TTLL5: variants seen among roughly 807,000 people sequenced by gnomAD.
The protein encoded by TTLL5 is tubulin polyglutamylase TTLL5.
A neutral mutation model predicts 168.4 loss-of-function variants in TTLL5; 132 were observed. The ratio of observed to expected loss-of-function variants is 0.78; its 90% CI spans 0.68 to 0.91. The LOEUF (loss-of-function observed/expected upper bound fraction) is 0.91. TTLL5 is among the 40% of genes least tolerant of loss of function. TTLL5 has a pLI of 0.00. For missense variants in TTLL5, 1,545 were observed against 1,581.5 expected, an observed-to-expected ratio of 0.98 and a Z score of 0.39; for synonymous variants, 546 against 558.6, an observed-to-expected ratio of 0.98 and a Z score of 0.32.
chr14:75,820,186 C>T, intron 28 of TTLL5, 25 bp downstream of exon 28: 1 of 1,547,548 alleles, frequency 6.5e-7, no homozygotes, highest in Non-Finnish European at 8.7e-7. Context: ...CTGCAACTAG[C>T]ATTTGGGTTA....
intron 28 of TTLL5, among the ~76,000 whole-genome samples, chr14:75,849,221 A>ATC (rs781169245): frequency 2.6e-5 from 4 of 152,190 alleles, no homozygotes; most frequent in Non-Finnish European, 5.9e-5. Flanking sequence ...CCTTTTCTGT[A>ATC]TCTCTGCTTA....
intron 29 of TTLL5, among the ~76,000 whole-genome samples, chr14:75,872,018 A>C (rs536812314): frequency 6.6e-6 from 1 of 152,374 alleles, no homozygotes; most frequent in African/African-American, 2.4e-5. Flanking sequence ...CCTGATATAC[A>C]AATAATTTCT....
At chr14:75,926,156 CTTTTTT>C (rs34048806) in intron 31 of TTLL5, among the ~76,000 whole-genome samples, 39 of 29,952 alleles carry the variant, frequency 1.3e-3, no homozygotes, top group Non-Finnish European at 1.8e-3. Context: ...GCAACCCCAG[CTTTTTT>C]TTTTTTTTTT....
intron 28 of TTLL5, among the ~76,000 whole-genome samples, chr14:75,822,513 G>A (rs1279157840): frequency 6.6e-6 from 1 of 152,152 alleles, no homozygotes; most frequent in African/African-American, 2.4e-5. Flanking sequence ...ACTAGGGGCT[G>A]CCTTGTAAAC....
At chr14:75,843,178 C>T (rs142311877) in intron 28 of TTLL5, among the ~76,000 whole-genome samples, 7 of 152,122 alleles carry the variant, frequency 4.6e-5, no homozygotes, top group Non-Finnish European at 8.8e-5. Context: ...GTAATAATCG[C>T]GTTTACTTGA....
At position 75,881,687 on chromosome 14, in the gene TTLL5, C is replaced by T. The variant is rs561067282; in HGVS notation, c.3523-998C>T. Among the ~76,000 whole-genome samples the T allele has an allele frequency of 5.3e-5, 8 of 152,200 alleles. No individual in the cohort carries two copies. The South Asian group carries it at 1.7e-3, about 32-fold the overall frequency. On this transcript the variant is annotated intron_variant, in intron 29 of 31. Coordinates refer to ENST00000298832, the MANE Select transcript of TTLL5 (RefSeq NM_015072.5). ...TGTAGGTACAAATGGAAATCAATTGCCAGAAATTGTTTTAATAAAAAATAC... is the reference window on the plus strand; with the variant it reads ...TGTAGGTACAAATGGAAATCAATTGTCAGAAATTGTTTTAATAAAAAATAC...
At chr14:75,954,196 T>A (rs2035043740) in intron 31 of TTLL5, among the ~76,000 whole-genome samples, 1 of 133,554 alleles carries the variant, frequency 7.5e-6, no homozygotes, top group Non-Finnish European at 1.5e-5. Context: ...GAGCTTGCAG[T>A]GAGCCGAGAT....
intron 31 of TTLL5, among the ~76,000 whole-genome samples, chr14:75,929,515 G>A (rs1005386531): frequency 1.1e-4 from 16 of 141,126 alleles, no homozygotes; most frequent in Admixed American, 3.8e-4. Context: ...ACAGTGGCAC[G>A]ATCTTGGCTC....
intron 18 of TTLL5, among the ~76,000 whole-genome samples, chr14:75,761,390 T>A (rs1046693025): frequency 1.3e-5 from 2 of 152,196 alleles, no homozygotes; most frequent in African/African-American, 2.4e-5. Context: ...CAAAACAGCT[T>A]GTACAAATAG....
intron 15 of TTLL5, among the ~76,000 whole-genome samples, chr14:75,739,045 G>A (rs1439599572): frequency 6.6e-6 from 1 of 152,098 alleles, no homozygotes; most frequent in African/African-American, 2.4e-5. Flanking sequence ...GAGCTCAAGC[G>A]ATCTGCCTGC....
chr14:75,745,647 C>A, intron 17 of TTLL5, 66 bp downstream of exon 17: 1 of 1,194,794 alleles, frequency 8.4e-7, no homozygotes, highest in Non-Finnish European at 1.2e-6. Context: ...AATTGTGATA[C>A]ACTGTCATCA....
intron 18 of TTLL5, among the ~76,000 whole-genome samples, chr14:75,754,124 A>G (rs889322355): frequency 6.6e-6 from 1 of 152,126 alleles, no homozygotes; most frequent in African/African-American, 2.4e-5. Context: ...AACCATATCT[A>G]TATTGTTATT....
intron 15 of TTLL5, among the ~76,000 whole-genome samples, chr14:75,737,045 A>G (rs1490086595): frequency 6.6e-6 from 1 of 152,224 alleles, no homozygotes; most frequent in East Asian, 1.9e-4. Flanking sequence ...GCTTTAACAC[A>G]GTTTCTGCCA....
intron 31 of TTLL5, among the ~76,000 whole-genome samples, chr14:75,952,106 G>A (rs745555736): frequency 1.6e-4 from 25 of 152,168 alleles, no homozygotes; most frequent in Admixed American, 5.9e-4. Context: ...AGACGACTCA[G>A]GTTTAAAGAT....
intron 13 of TTLL5, 120 bp downstream of exon 13, chr14:75,732,539 A>C (rs1888612032): frequency 5.1e-6 from 4 of 783,476 alleles, no homozygotes; most frequent in South Asian, 3.6e-5. Context: ...TATTAGGTGG[A>C]GATAACCAGA....
At chr14:75,721,757 C>T (rs973781458) in intron 12 of TTLL5, among the ~76,000 whole-genome samples, 1 of 152,094 alleles carries the variant, frequency 6.6e-6, no homozygotes, top group African/African-American at 2.4e-5. Context: ...TTACGTTGTA[C>T]TCAATAAAAA....
At chr14:75,786,842 T>C (rs907111792) in intron 26 of TTLL5, among the ~76,000 whole-genome samples, 4 of 152,024 alleles carry the variant, frequency 2.6e-5, no homozygotes, top group Admixed American at 6.6e-5. Flanking sequence ...ATTTAAAACA[T>C]AGTAAATTGG....
At position 75,749,200 on chromosome 14, in the gene TTLL5, T is replaced by A. The variant is rs550283520; in HGVS notation, c.1487+3619T>A. Among the ~76,000 whole-genome samples, 5 of 152,208 alleles carry A rather than the reference T, an allele frequency of 3.3e-5. No homozygotes were observed. The South Asian group carries it at 1.0e-3, about 32-fold the overall frequency. Reference sequence around the variant, plus strand: ...TTGAATTTTTGCATTTCCTAGAAAGTGTATCTTTTAATTAATGAAAGGGGG... The same window carrying A: ...TTGAATTTTTGCATTTCCTAGAAAGAGTATCTTTTAATTAATGAAAGGGGG... On this transcript the variant is annotated intron_variant, in intron 17 of 31. Coordinates refer to ENST00000298832, the MANE Select transcript of TTLL5 (RefSeq NM_015072.5).
At chr14:75,925,687 G>T (rs2034026001) in intron 31 of TTLL5, among the ~76,000 whole-genome samples, 1 of 152,020 alleles carries the variant, frequency 6.6e-6, no homozygotes, top group Non-Finnish European at 1.5e-5. Flanking sequence ...CACTTTGGGA[G>T]GCCAAGGCAG....
Sources: allele counts gnomAD v4.1 joint callset (sites outside exome capture counted in the v4.1 genomes callset), GRCh38; gene constraint gnomAD v4.1.1; transcripts MANE v1.5; gene names NCBI Gene and HGNC (gene_info 2026-07-23, HGNC 2026-07-21).